The following NOX5 variants were observed in gnomAD, a reference collection of about 807,000 sequenced individuals.
NOX5 encodes NADPH oxidase 5, also known as NADPH oxidase, EF-hand calcium binding domain 5.
A neutral mutation model predicts 85.7 loss-of-function variants in NOX5; 76 were observed. The observed-to-expected ratio is 0.89, with a 90% CI of 0.74 to 1.07. The LOEUF is 1.07. Ranked by LOEUF, NOX5 falls within the 50% of genes least tolerant of loss-of-function variation. The pLI, the probability that NOX5 is intolerant of heterozygous loss-of-function variation, is 0.00. For missense variants in NOX5, 973 were observed against 999.5 expected, an observed-to-expected ratio of 0.97 and a Z score of 0.36; for synonymous variants, 405 against 401.4, an observed-to-expected ratio of 1.01 and a Z score of -0.11.
chr15:69,015,436 C>T (rs1465870437), intron 1 of NOX5, among the ~76,000 whole-genome samples: 1 of 152,188 alleles, frequency 6.6e-6, no homozygotes, highest in East Asian at 1.9e-4. Context: ...TTAGCACTTG[C>T]ATGCAGCCCT....
chr15:69,018,884 A>T (rs2650978), intron 1 of NOX5, among the ~76,000 whole-genome samples: 60,218 of 151,890 alleles, frequency 0.4, 14,072 homozygotes, highest in Non-Finnish European at 0.54. Flanking sequence ...TTATGTTATA[A>T]GGGATGGGTT....
rs1027542305 is a variant in NOX5 at position 69,033,084 on chromosome 15, C to G, written c.662C>G (p.Pro221Arg). The change falls in exon 5 of 16, where the codon CCG becomes CGG. Residue 221 changes from proline (P) to arginine (R), a missense_variant. By Grantham distance (103) the Pro-to-Arg change is moderately radical. Transcript: ENST00000388866. Reference protein sequence around the residue: ...WLTAPAPRPRPRRPRQLTRAY... With the variant: ...WLTAPAPRPRRRRPRQLTRAY... Reference sequence around the variant, plus strand: ...ACGGCCCCCGCCCCCCGCCCACGCCCGCGCCGGCCGCGCCAGCTGACCCGC... The same window carrying G: ...ACGGCCCCCGCCCCCCGCCCACGCCGGCGCCGGCCGCGCCAGCTGACCCGC... 6.4e-7 allele frequency: 1 copy of G among 1,552,556 alleles called. No homozygotes were observed. Among genetic ancestry groups the G allele is most frequent in the Non-Finnish European group, 8.6e-7 (1 of 1,157,720 alleles).
chr15:69,043,141 A>G (rs575243279), intron 10 of NOX5, among the ~76,000 whole-genome samples: 1 of 152,324 alleles, frequency 6.6e-6, no homozygotes, highest in East Asian at 1.9e-4. Context: ...GTTCATCTAT[A>G]AAATAGAAGT....
At chr15:69,045,224 C>T (rs2050646588) in intron 10 of NOX5, among the ~76,000 whole-genome samples, 3 of 152,336 alleles carry the variant, frequency 2.0e-5, no homozygotes, top group Non-Finnish European at 4.4e-5. Context: ...CTAACTTTTG[C>T]GTAAGAACTG....
intron 9 of NOX5, among the ~76,000 whole-genome samples, chr15:69,042,260 C>T (rs1215992248): frequency 1.3e-5 from 2 of 152,156 alleles, no homozygotes; most frequent in African/African-American, 4.8e-5. Context: ...GCATGGGTAT[C>T]ATGAAAGCAG....
At position 69,021,349 on chromosome 15, in the gene NOX5, C is replaced by CTT. The variant is rs59303957; in HGVS notation, c.51-5163_51-5162dup. The stretch of plus-strand genomic sequence containing the variant: ...TGACATTTAACTGCCCTTTTGAATT[C>CTT]TTTTTTTTTTTTTTTTTGAGACAGC... On this transcript the variant is annotated intron_variant, in intron 1 of 15. Transcript: ENST00000388866. Among the ~76,000 whole-genome samples the CTT allele has an allele frequency of 2.6e-4, 35 of 134,062 alleles. No individual in the cohort carries two copies. In the East Asian group the frequency reaches 3.4e-3, roughly 13 times the overall value. 87.9% of individuals were successfully genotyped at this position (134,062 alleles called of 152,430 possible). A position where few individuals can be genotyped will look rare whatever the true frequency, so the allele number is the denominator to read the frequency against.
At chr15:69,017,466 C>A (rs1017004014) in intron 1 of NOX5, among the ~76,000 whole-genome samples, 3 of 152,110 alleles carry the variant, frequency 2.0e-5, no homozygotes, top group Non-Finnish European at 4.4e-5. Context: ...GTTCCTAAGT[C>A]TTTAGACAAA....
intron 1 of NOX5, among the ~76,000 whole-genome samples, chr15:69,016,622 G>A (rs2140242232): frequency 6.6e-6 from 1 of 152,226 alleles, no homozygotes; most frequent in African/African-American, 2.4e-5. Context: ...TAATAGGCAT[G>A]AAAAAGAGAA....
At chr15:69,056,346 G>A (rs2140285443) in intron 15 of NOX5, among the ~76,000 whole-genome samples, 1 of 152,272 alleles carries the variant, frequency 6.6e-6, no homozygotes, top group East Asian at 1.9e-4. Flanking sequence ...CTGGGGTTCT[G>A]GGTCATGTTG....
intron 6 of NOX5, 97 bp from the exon 7 acceptor site, chr15:69,035,661 G>A (rs1372296679): frequency 1.3e-6 from 2 of 1,564,602 alleles, no homozygotes; most frequent in Non-Finnish European, 1.7e-6. Flanking sequence ...TTCTGCCCGT[G>A]CTAGTATCTG....
intron 14 of NOX5, 76 bp from the exon 15 acceptor site, chr15:69,055,258 G>A: frequency 6.0e-6 from 9 of 1,488,224 alleles, no homozygotes; most frequent in Non-Finnish European, 7.4e-6. Flanking sequence ...CCAGGGTAAG[G>A]TAGTGGTTGG....
intron 1 of NOX5, among the ~76,000 whole-genome samples, chr15:69,021,031 A>T (rs2050289708): frequency 6.6e-6 from 1 of 152,182 alleles, no homozygotes; most frequent in Admixed American, 6.5e-5. Context: ...CTAACTAATT[A>T]GGTTCTAACT....
chr15:69,046,426 G>C (rs1595786910), intron 10 of NOX5: 1 of 170,526 alleles, frequency 5.9e-6, no homozygotes, highest in Non-Finnish European at 1.3e-5. Flanking sequence ...CAGGCAGAGG[G>C]AAAAGAATAT....
chr15:69,031,334 G>A (rs2050425770), intron 3 of NOX5, 184 bp from the exon 4 acceptor site: 1 of 629,286 alleles, frequency 1.6e-6, no homozygotes, highest in Non-Finnish European at 2.7e-6. Flanking sequence ...AACCACTGAA[G>A]CCAAAGATTC....
chr15:69,033,234 A>G lies in NOX5; in HGVS notation c.812A>G (p.Lys271Arg), dbSNP rs1363359211. Residue 271 changes from lysine to arginine, a missense_variant, in exon 5 of 16, where the codon AAG (lysine) becomes AGG (arginine). Lys to Arg is a conservative substitution (Grantham distance 26). Transcript: ENST00000388866. Reference sequence around the variant, plus strand: ...CTCGGCGCCAGCGTCATGGTGGCCAAGGGCTGCGGCCAGTGCCTCAACTTC... The same window carrying G: ...CTCGGCGCCAGCGTCATGGTGGCCAGGGGCTGCGGCCAGTGCCTCAACTTC... ...RDLGASVMVA[K>R]GCGQCLNFDC... The G allele has an allele frequency of 1.9e-6, 3 of 1,598,096 alleles. No homozygotes were observed. The Admixed American group carries it at 5.0e-5, about 27-fold the overall frequency.
chr15:69,036,597 A>G (rs2050519557), intron 7 of NOX5, among the ~76,000 whole-genome samples: 1 of 152,236 alleles, frequency 6.6e-6, no homozygotes, highest in African/African-American at 2.4e-5. Flanking sequence ...GAGGAATTTC[A>G]CACTCAGAAA....
intron 14 of NOX5, 86 bp downstream of exon 14, chr15:69,049,144 T>A: frequency 3.3e-5 from 22 of 664,708 alleles, no homozygotes; most frequent in Non-Finnish European, 4.6e-5. Flanking sequence ...GATATGAAAC[T>A]CACGTAACCT....
chr15:69,027,083 C>T (rs1292985562), intron 2 of NOX5, among the ~76,000 whole-genome samples: 1 of 152,112 alleles, frequency 6.6e-6, no homozygotes, highest in Non-Finnish European at 1.5e-5. Context: ...GAGGAGACAT[C>T]AGCACGGAAG....
chr15:69,052,140 G>A (rs1242689200), intron 14 of NOX5, among the ~76,000 whole-genome samples: 3 of 151,526 alleles, frequency 2.0e-5, no homozygotes, highest in African/African-American at 4.9e-5. Flanking sequence ...ATCACTTGAG[G>A]CCAAGAGTTT....
Sources: allele counts gnomAD v4.1 joint callset (sites outside exome capture counted in the v4.1 genomes callset), GRCh38; gene constraint gnomAD v4.1.1; transcripts MANE v1.5; gene names NCBI Gene and HGNC (gene_info 2026-07-23, HGNC 2026-07-21).